The following PPDPFL variants were observed in gnomAD, a reference collection of about 807,000 sequenced individuals.
PPDPFL encodes pancreatic progenitor cell differentiation and proliferation factor-like protein.
A neutral mutation model predicts 12.6 loss-of-function variants in PPDPFL; 12 were observed. The ratio of observed to expected loss-of-function variants is 0.95; its 90% CI spans 0.61 to 1.54. PPDPFL has a LOEUF of 1.54. Among genes scored for constraint, PPDPFL ranks in the 40% most tolerant of loss-of-function variants. The probability of loss-of-function intolerance (pLI) is 0.00; values close to 1 mark genes in which losing one functional copy is unlikely to be tolerated. For missense variants in PPDPFL, 114 were observed against 96.0 expected (o/e 1.19, Z -0.78); for synonymous variants, 24 against 32.7 (o/e 0.73, Z 0.91).
intron 1 of PPDPFL, among the ~76,000 whole-genome samples, chr8:49,065,673 G>A (rs1285056659): frequency 1.3e-5 from 2 of 152,184 alleles, no homozygotes; most frequent in Non-Finnish European, 2.9e-5. Flanking sequence ...TGTAAGTTAG[G>A]GCATGTGGTG....
At position 49,075,368 on chromosome 8, in the gene PPDPFL, T is replaced by G. The variant is rs1808477741; in HGVS notation, c.*195T>G. 8.8e-6 allele frequency: 10 copies of G among 1,135,070 alleles called. No homozygotes were observed. The allele number at this position is 1,135,070 out of a possible 1,614,324, so 70.3% of individuals were successfully genotyped here. ...AGAAGACAGAAATGTGTCTGAGATC[T>G]CATTTATGAGACAAGATCACAGCAG... On this transcript the variant is annotated 3_prime_UTR_variant, in exon 5 of 5. Transcript: ENST00000522267.
At chr8:49,067,984 A>C (rs932474652), upstream of PPDPFL, among the ~76,000 whole-genome samples, 34 of 152,324 alleles carry the variant, frequency 2.2e-4, no homozygotes, top group African/African-American at 7.9e-4. Context: ...TTAAAAAAAA[A>C]CTTGAATCAG....
chr8:49,054,381 T>G (rs572823211), intron 1 of PPDPFL: 2 of 152,324 alleles, frequency 1.3e-5, no homozygotes, highest in South Asian at 4.1e-4. Flanking sequence ...TAAATATATT[T>G]TCTCTTCCTT....
At chr8:49,066,418 C>T (rs1808300975) in intron 1 of PPDPFL, among the ~76,000 whole-genome samples, 1 of 152,184 alleles carries the variant, frequency 6.6e-6, no homozygotes, top group South Asian at 2.1e-4. Context: ...GCAAGTGCTT[C>T]TCTGCTTAAA....
upstream of PPDPFL, among the ~76,000 whole-genome samples, chr8:49,069,708 G>T (rs780745264): frequency 6.6e-6 from 1 of 152,112 alleles, no homozygotes; most frequent in Admixed American, 6.5e-5. Context: ...AGGCCAAGGC[G>T]GGCAGATCAC....
chr8:49,065,930 G>A (rs1280206019), intron 1 of PPDPFL, among the ~76,000 whole-genome samples: 1 of 152,222 alleles, frequency 6.6e-6, no homozygotes, highest in Admixed American at 6.5e-5. Flanking sequence ...ACATGATACG[G>A]CCTAGAAAGG....
intron 1 of PPDPFL, among the ~76,000 whole-genome samples, chr8:49,058,576 T>C (rs915998472): frequency 6.6e-6 from 1 of 152,244 alleles, no homozygotes; most frequent in African/African-American, 2.4e-5. Context: ...TGAATGCTAA[T>C]ATGACAAGGA....
chr8:49,060,544 C>G (rs1200941762), intron 1 of PPDPFL, among the ~76,000 whole-genome samples: 2 of 152,080 alleles, frequency 1.3e-5, no homozygotes, highest in African/African-American at 4.8e-5. Flanking sequence ...AACTCCTGAC[C>G]TCAGGTGATC....
intron 1 of PPDPFL, among the ~76,000 whole-genome samples, chr8:49,063,382 T>C (rs1808244132): frequency 6.6e-6 from 1 of 152,040 alleles, no homozygotes. Context: ...GTTTTAAAAA[T>C]TGCATCCTGG....
chr8:49,066,904 C>A (rs1808309213), intron 1 of PPDPFL, among the ~76,000 whole-genome samples: 1 of 152,086 alleles, frequency 6.6e-6, no homozygotes, highest in Non-Finnish European at 1.5e-5. Flanking sequence ...AATTCATGTA[C>A]CTGATGACCC....
chr8:49,067,602 A>G (rs1240270830), upstream of PPDPFL, among the ~76,000 whole-genome samples: 1 of 152,234 alleles, frequency 6.6e-6, no homozygotes, highest in Non-Finnish European at 1.5e-5. Context: ...TCCATGCTCC[A>G]GAAAGCAGCA....
At chr8:49,070,532 G>A (rs192134571), upstream of PPDPFL, among the ~76,000 whole-genome samples, 135 of 152,268 alleles carry the variant, frequency 8.9e-4, 2 homozygotes, top group Non-Finnish European at 4.9e-4. Context: ...AAGAATTAAA[G>A]CATAACAGAA....
At chr8:49,068,760 A>G (rs945633600), upstream of PPDPFL, among the ~76,000 whole-genome samples, 1 of 152,194 alleles carries the variant, frequency 6.6e-6, no homozygotes, top group Admixed American at 6.5e-5. Flanking sequence ...AGTACAGACA[A>G]TAAAGGATAA....
intron 1 of PPDPFL, among the ~76,000 whole-genome samples, chr8:49,060,750 TG>T (rs1412239887): frequency 6.6e-6 from 1 of 152,176 alleles, no homozygotes; most frequent in Non-Finnish European, 1.5e-5. Flanking sequence ...CATCCATTCA[TG>T]GGTAAATAAA....
chr8:49,056,944 G>A (rs1233437890), intron 1 of PPDPFL, among the ~76,000 whole-genome samples: 1 of 152,152 alleles, frequency 6.6e-6, no homozygotes, highest in East Asian at 1.9e-4. Context: ...TCACCCTAGT[G>A]TGTCATTTGA....
At chr8:49,070,326 T>C (rs1808357805), upstream of PPDPFL, among the ~76,000 whole-genome samples, 1 of 152,118 alleles carries the variant, frequency 6.6e-6, no homozygotes, top group African/African-American at 2.4e-5. Flanking sequence ...AAAGAATCTG[T>C]ACAGCAAATG....
chr8:49,065,375 T>A (rs999337711), intron 1 of PPDPFL, among the ~76,000 whole-genome samples: 1 of 152,176 alleles, frequency 6.6e-6, no homozygotes, highest in Non-Finnish European at 1.5e-5. Flanking sequence ...GGAGGAAACC[T>A]CAAGAATCCA....
chr8:49,064,476 AG>A (rs1454381195), intron 1 of PPDPFL, among the ~76,000 whole-genome samples: 1 of 152,100 alleles, frequency 6.6e-6, no homozygotes, highest in Non-Finnish European at 1.5e-5. Flanking sequence ...GATGCTCCTC[AG>A]GGATGAACTT....
intron 1 of PPDPFL, among the ~76,000 whole-genome samples, chr8:49,057,837 T>C (rs1448518445): frequency 6.6e-6 from 1 of 152,202 alleles, no homozygotes; most frequent in African/African-American, 2.4e-5. Context: ...AGATGTCTAA[T>C]GTACAATCAG....
Sources: gnomAD v4.1 joint callset for allele counts (sites outside exome capture counted in the v4.1 genomes callset) on GRCh38, gnomAD v4.1.1 for gene constraint, MANE v1.5 for transcripts, NCBI Gene and HGNC (gene_info 2026-07-23, HGNC 2026-07-21) for gene names.